Variants in GSE1 observed in about 807,000 individuals in gnomAD.
The protein encoded by GSE1 is genetic suppressor element 1.
A neutral mutation model predicts 112.6 loss-of-function variants in GSE1; 32 were observed. That is an observed-to-expected ratio of 0.28 (90% CI 0.21 to 0.38). The LOEUF (loss-of-function observed/expected upper bound fraction) is 0.38, where lower values mean the gene tolerates loss of function less well. Among genes scored for constraint, GSE1 ranks in the 10% least tolerant of loss-of-function variants. The pLI is 1.00. For synonymous variants in GSE1, 1,115 were observed against 735.6 expected, an observed-to-expected ratio of 1.52 and a Z score of -8.35; for missense variants, 2,348 against 1,699.2, an observed-to-expected ratio of 1.38 and a Z score of -6.71.
chr16:85,637,109 G>A (rs1261996990), intron 2 of GSE1, among the ~76,000 whole-genome samples: 1 of 152,214 alleles, frequency 6.6e-6, no homozygotes, highest in Non-Finnish European at 1.5e-5. Context: ...ACAGTTGTGT[G>A]ACCATCTAAT....
chr16:85,595,179 C>T (rs1274237893), intron 1 of GSE1: 1 of 152,444 alleles, frequency 6.6e-6, no homozygotes, highest in Non-Finnish European at 1.5e-5. Context: ...GAGTACAGAC[C>T]AGCACATGGT....
chr16:85,564,632 C>T (rs957955002), intron 1 of GSE1, among the ~76,000 whole-genome samples: 2 of 152,212 alleles, frequency 1.3e-5, no homozygotes, highest in Non-Finnish European at 2.9e-5. Flanking sequence ...CCCCGTTGCT[C>T]AGCAGCACCC....
At chr16:85,376,607 G>A (rs1164606409) in intron 2 of GSE1, among the ~76,000 whole-genome samples, 1 of 152,298 alleles carries the variant, frequency 6.6e-6, no homozygotes. Flanking sequence ...CTCTGTTCTC[G>A]AAGTCGTGGG....
chr16:85,216,069 C>T (rs901023314), intron 1 of GSE1, among the ~76,000 whole-genome samples: 1 of 152,228 alleles, frequency 6.6e-6, no homozygotes, highest in Non-Finnish European at 1.5e-5. Context: ...CCTCCTGTCC[C>T]ACCCTGCCTC....
At chr16:85,651,215 C>G (rs768672526) in intron 3 of GSE1, among the ~76,000 whole-genome samples, 2 of 151,844 alleles carry the variant, frequency 1.3e-5, no homozygotes, top group African/African-American at 2.4e-5. Flanking sequence ...CTGCCGCTAT[C>G]GGGGTGCCTT....
intron 1 of GSE1, among the ~76,000 whole-genome samples, chr16:85,345,639 C>T (rs1401046254): frequency 6.6e-6 from 1 of 152,210 alleles, no homozygotes; most frequent in Non-Finnish European, 1.5e-5. Context: ...CCGCCCTTCT[C>T]TCCATCCTGT....
At chr16:85,213,524 G>A (rs1221688579) in intron 1 of GSE1, among the ~76,000 whole-genome samples, 1 of 152,166 alleles carries the variant, frequency 6.6e-6, no homozygotes, top group Admixed American at 6.5e-5. Flanking sequence ...TGTGTACTTT[G>A]TCATTGCCAT....
chr16:85,667,966 A>G (rs1479859876), intron 13 of GSE1, among the ~76,000 whole-genome samples, 174 bp from the exon 14 acceptor site: 1 of 151,570 alleles, frequency 6.6e-6, no homozygotes, highest in Non-Finnish European at 1.5e-5. Context: ...GGACTTTCTC[A>G]AGTGGCCCAG....
chr16:85,512,391 G>A (rs1049864394), intron 2 of GSE1, among the ~76,000 whole-genome samples: 1 of 152,098 alleles, frequency 6.6e-6, no homozygotes, highest in East Asian at 1.9e-4. Context: ...TCTCCAGAAG[G>A]GACTCCACAC....
intron 2 of GSE1, among the ~76,000 whole-genome samples, chr16:85,524,961 C>A (rs1239359343): frequency 6.6e-6 from 1 of 152,154 alleles, no homozygotes; most frequent in Non-Finnish European, 1.5e-5. Flanking sequence ...ATGAGTGAGT[C>A]CCCGCCATGC....
chr16:85,466,823 G>T (rs2050138253), intron 2 of GSE1, among the ~76,000 whole-genome samples: 1 of 152,200 alleles, frequency 6.6e-6, no homozygotes, highest in Admixed American at 6.5e-5. Flanking sequence ...ACTTTGGGAG[G>T]CCAAGGCAGG....
intron 1 of GSE1, among the ~76,000 whole-genome samples, chr16:85,617,256 C>G (rs2048428278): frequency 6.6e-6 from 1 of 152,164 alleles, no homozygotes; most frequent in Non-Finnish European, 1.5e-5. Flanking sequence ...AGAGCTGCCC[C>G]CGGGAGGCTG....
At chr16:85,640,340 G>A (rs186471072) in intron 2 of GSE1, among the ~76,000 whole-genome samples, 40 of 152,328 alleles carry the variant, frequency 2.6e-4, no homozygotes, top group African/African-American at 9.1e-4. Flanking sequence ...TGTTACCTGC[G>A]GCAGGGGTGG....
chr16:85,421,648 C>A (rs997641942), intron 2 of GSE1, among the ~76,000 whole-genome samples: 7 of 152,254 alleles, frequency 4.6e-5, no homozygotes, highest in Non-Finnish European at 8.8e-5. Context: ...TGAACGGTTT[C>A]CACCTGGGGG....
At chr16:85,594,073 T>C (rs2047112279) in intron 1 of GSE1, 1 of 151,880 alleles carries the variant, frequency 6.6e-6, no homozygotes, top group South Asian at 2.1e-4. Flanking sequence ...GTGGCAAATT[T>C]GACTTCTTTG....
Position 85,665,074 on chromosome 16 carries a change from G to C in GSE1, c.2704G>C (p.Val902Leu). The C allele has an allele frequency of 6.2e-7, 1 of 1,613,040 alleles. No individual in the cohort carries two copies. The highest frequency in any genetic ancestry group is 1.1e-5 in the South Asian group (1 of 91,072). ...AMKQKALSAA[V>L]ADSLTNSPRD... ...GAAGCAGAAGGCACTGTCAGCAGCAGTGGCCGACTCCTTGACAAACTCTCC... is the reference window on the plus strand; with the variant it reads ...GAAGCAGAAGGCACTGTCAGCAGCACTGGCCGACTCCTTGACAAACTCTCC... The change falls in exon 12 of 16, where the codon GTG (valine) becomes CTG (leucine). Residue 902 changes from valine to leucine, a missense_variant. Val to Leu is a conservative substitution (Grantham distance 32, BLOSUM62 1). Coordinates refer to ENST00000253458, the MANE Select transcript of GSE1 (RefSeq NM_014615.5).
chr16:85,658,992 T>G (rs8049049), intron 8 of GSE1, among the ~76,000 whole-genome samples: 4 of 152,116 alleles, frequency 2.6e-5, no homozygotes, highest in African/African-American at 9.7e-5. Context: ...ATTGTGAACT[T>G]GGGGGCCTGA....
intron 1 of GSE1, among the ~76,000 whole-genome samples, chr16:85,584,927 A>G (rs1187601676): frequency 6.6e-6 from 1 of 151,954 alleles, no homozygotes; most frequent in African/African-American, 2.4e-5. Context: ...ACAACCTCCA[A>G]GGAGGCAAAC....
chr16:85,472,842 A>C (rs2050337141), intron 2 of GSE1, among the ~76,000 whole-genome samples: 1 of 152,386 alleles, frequency 6.6e-6, no homozygotes. Context: ...AGGGTGCTGC[A>C]GAGCAGTGGT....
Sources: allele counts gnomAD v4.1 joint callset (sites outside exome capture counted in the v4.1 genomes callset), GRCh38; gene constraint gnomAD v4.1.1; transcripts MANE v1.5; gene names NCBI Gene and HGNC (gene_info 2026-07-23, HGNC 2026-07-21).